BLOC1S3: variants seen among roughly 807,000 people sequenced by gnomAD.
BLOC1S3 encodes biogenesis of lysosome-related organelles complex 1 subunit 3.
In BLOC1S3, 7 loss-of-function variants were observed where a neutral mutation model predicts 9.1. The ratio of observed to expected loss-of-function variants is 0.77; its 90% confidence interval spans 0.44 to 1.45. The LOEUF (loss-of-function observed/expected upper bound fraction) is 1.45. Ranked by LOEUF, BLOC1S3 falls within the 40% of genes most tolerant of loss-of-function variation. The pLI is 0.01. For missense variants in BLOC1S3, 307 were observed against 315.2 expected (o/e 0.97, Z 0.20); for synonymous variants, 145 against 158.4 (o/e 0.92, Z 0.64).
intron 2 of BLOC1S3, among the ~76,000 whole-genome samples, chr19:45,200,065 C>T (rs1442106025): frequency 6.6e-6 from 1 of 152,270 alleles, no homozygotes; most frequent in East Asian, 1.9e-4. Flanking sequence ...TGTGCCCGGC[C>T]TGACTGCATA....
Position 45,179,170 on chromosome 19 carries a change from G to A in BLOC1S3, c.-9-118G>A, listed in dbSNP as rs987350002. 47 of 1,185,888 alleles carry A rather than the reference G, an allele frequency of 4.0e-5. No homozygotes were observed. Among genetic ancestry groups the A allele is most frequent in the Non-Finnish European group, 4.9e-5 (44 of 900,256 alleles). The allele number at this position is 1,185,888 out of a possible 1,614,324, so 73.5% of individuals were successfully genotyped here. A position where few individuals can be genotyped will look rare whatever the true frequency, so the allele number is the denominator to read the frequency against. On this transcript the variant is annotated intron_variant, in intron 1 of 1. Coordinates refer to ENST00000433642, the MANE Select transcript of BLOC1S3 (RefSeq NM_212550.5). This position sits in a 1 kb window ranked among gnomAD's most constrained non-coding sequence, Gnocchi z 4.6. ...AAGAGGAAACTGAGGCCCAGACGGG[G>A]AGCAGCTGACACCAAGTCGTTAAGA...
rs1599745683 is a variant in BLOC1S3 at position 45,179,417 on chromosome 19, C to T, written c.121C>T (p.Leu41=). The T allele has an allele frequency of 1.3e-6, 2 of 1,550,794 alleles. No homozygotes were observed. The highest frequency in any genetic ancestry group is 8.7e-7 in the Non-Finnish European group (1 of 1,155,852). ...CTCGTCGGAGGAGGAGGAGCTGTAC[C>T]TGGGTCCTTCGGGCCCGACGCGCGG... ...ASSSEEEELY[L]GPSGPTRGRP... The change falls in exon 2 of 2, where the codon CTG becomes TTG. Residue 41 remains leucine (L), a synonymous_variant. Transcript: ENST00000433642. The surrounding 1 kb of genome is among the most constrained non-coding windows in gnomAD (Gnocchi z 4.6).
chr19:45,193,626 TATA>T (rs1969623805), intron 2 of BLOC1S3, among the ~76,000 whole-genome samples: 1 of 151,638 alleles, frequency 6.6e-6, no homozygotes, highest in South Asian at 2.1e-4. Context: ...TTTGGAGTAT[TATA>T]ATATGTTAAT....
intron 2 of BLOC1S3, among the ~76,000 whole-genome samples, chr19:45,192,157 C>G (rs1447194774): frequency 6.6e-6 from 1 of 152,184 alleles, no homozygotes; most frequent in Non-Finnish European, 1.5e-5. Flanking sequence ...ATCTTCCCCA[C>G]TCTTTTTTCT....
rs143393432 is a variant in BLOC1S3 at position 45,212,738 on chromosome 19, G to T, written n.283-3938G>T. 830 of 221,858 alleles carry T rather than the reference G, an allele frequency of 3.7e-3. 11 individuals are homozygous for T. The highest frequency in any genetic ancestry group is 0.018 in the African/African-American group (777 of 43,144). The allele number at this position is 221,858 out of a possible 1,614,324, so 13.7% of individuals were successfully genotyped here. ...GCCTCACCAGTAGCTGGGACTACAG[G>T]CACACACCACCGTGCCCAGCTAATT... On this transcript the variant is annotated intron_variant and non_coding_transcript_variant, in intron 3 of 3. Transcript: ENST00000591569.
In BLOC1S3 at chr19:45,179,771, A is replaced by G. The variant is rs1969486172; in HGVS notation, c.475A>G (p.Ser159Gly). The change falls in exon 2 of 2, where the codon AGC becomes GGC. Residue 159 changes from serine (S) to glycine (G), a missense_variant. Ser to Gly is a moderately conservative substitution (Grantham distance 56). Coordinates refer to ENST00000433642, the MANE Select transcript of BLOC1S3 (RefSeq NM_212550.5). The surrounding 1 kb of genome is among the most constrained non-coding windows in gnomAD (Gnocchi z 4.6). ...AQAAGLAAAH[S>G]VRLARGDLCA... The stretch of plus-strand genomic sequence containing the variant: ...GGCGGCGGGGCTGGCGGCGGCCCAC[A>G]GCGTGCGCCTGGCGCGCGGGGACCT... 6.5e-7 allele frequency: 1 copy of G among 1,529,950 alleles called. No homozygotes were observed. The highest frequency in any genetic ancestry group is 2.6e-5 in the East Asian group (1 of 38,070). The allele number at this position is 1,529,950 out of a possible 1,614,324, so 94.8% of individuals were successfully genotyped here. A position where few individuals can be genotyped will look rare whatever the true frequency, so the allele number is the denominator to read the frequency against.
intron 3 of BLOC1S3, among the ~76,000 whole-genome samples, chr19:45,216,475 A>C (rs1284094082): frequency 6.6e-6 from 1 of 152,184 alleles, no homozygotes; most frequent in South Asian, 2.1e-4. Flanking sequence ...ACTACTCAGG[A>C]GGCTGAAGCA....
At chr19:45,204,357 AT>A (rs1460464445) in intron 3 of BLOC1S3, among the ~76,000 whole-genome samples, 1 of 150,754 alleles carries the variant, frequency 6.6e-6, no homozygotes, top group Admixed American at 6.6e-5. Context: ...GCCCCAGCTA[AT>A]TTTTTTGTAT....
intron 2 of BLOC1S3, among the ~76,000 whole-genome samples, chr19:45,193,954 C>A (rs1160956549): frequency 8.3e-6 from 1 of 119,872 alleles, no homozygotes; most frequent in Non-Finnish European, 1.7e-5. Flanking sequence ...AGGCACCCAC[C>A]ACCACGCCCA....
At position 45,179,772 on chromosome 19, in the gene BLOC1S3, G is replaced by A. The variant is rs1009018071; in HGVS notation, c.476G>A (p.Ser159Asn). The change falls in exon 2 of 2, where the codon AGC becomes AAC. Residue 159 changes from serine (S) to asparagine (N), a missense_variant. Coordinates refer to ENST00000433642, the MANE Select transcript of BLOC1S3 (RefSeq NM_212550.5). The surrounding 1 kb of genome is among the most constrained non-coding windows in gnomAD (Gnocchi z 4.6). ...GCGGCGGGGCTGGCGGCGGCCCACAGCGTGCGCCTGGCGCGCGGGGACCTT... is the reference window on the plus strand; with the variant it reads ...GCGGCGGGGCTGGCGGCGGCCCACAACGTGCGCCTGGCGCGCGGGGACCTT... ...AQAAGLAAAH[S>N]VRLARGDLCA... The A allele has an allele frequency of 1.9e-6, 3 of 1,539,276 alleles. No homozygotes were observed. Among genetic ancestry groups the A allele is most frequent in the Admixed American group, 4.0e-5 (2 of 50,434 alleles).
chr19:45,197,527 T>TA (rs1268182663), intron 2 of BLOC1S3, among the ~76,000 whole-genome samples: 2 of 147,886 alleles, frequency 1.4e-5, no homozygotes, highest in East Asian at 2.0e-4. Context: ...AGAAAAAGAA[T>TA]AAAAAAGAAG....
At chr19:45,212,598 C>CTTTTT (rs530736333) in intron 3 of BLOC1S3, 4 of 111,324 alleles carry the variant, frequency 3.6e-5, no homozygotes, top group Non-Finnish European at 5.2e-5. Context: ...TTCCCCCTAC[C>CTTTTT]TTTTTTTTTT....
chr19:45,184,903 CAAAAAAAAAAAAAA>C (rs71338752), downstream of BLOC1S3, among the ~76,000 whole-genome samples: 7 of 48,278 alleles, frequency 1.4e-4, no homozygotes, highest in East Asian at 1.4e-3. Context: ...CTGTCTCAAA[CAAAAAAAAAAAAAA>C]AAAAAAAAAA....
intron 2 of BLOC1S3, among the ~76,000 whole-genome samples, chr19:45,189,351 G>C (rs12977451): frequency 0.38 from 57,486 of 151,900 alleles, 11,619 homozygotes; most frequent in Admixed American, 0.45. Flanking sequence ...TGTTACTTCT[G>C]TCTTGCTGCT....
At chr19:45,208,442 G>A (rs926390782) in intron 3 of BLOC1S3, among the ~76,000 whole-genome samples, 6 of 151,072 alleles carry the variant, frequency 4.0e-5, no homozygotes, top group Non-Finnish European at 5.9e-5. Context: ...CGCTGTCTCT[G>A]CTAAAAATAC....
At chr19:45,185,908 C>G (rs996015907), downstream of BLOC1S3, among the ~76,000 whole-genome samples, 1 of 152,052 alleles carries the variant, frequency 6.6e-6, no homozygotes, top group Non-Finnish European at 1.5e-5. Flanking sequence ...GTCAGAAGTT[C>G]GAAACCAGCC....
At chr19:45,192,102 C>T (rs147433079) in intron 2 of BLOC1S3, among the ~76,000 whole-genome samples, 1 of 152,318 alleles carries the variant, frequency 6.6e-6, no homozygotes, top group East Asian at 1.9e-4. Context: ...CTACCTGGTA[C>T]TCTGTTCTAC....
At chr19:45,196,030 C>T (rs889154897) in intron 2 of BLOC1S3, among the ~76,000 whole-genome samples, 3 of 152,116 alleles carry the variant, frequency 2.0e-5, no homozygotes, top group Non-Finnish European at 4.4e-5. Flanking sequence ...CAGGGTGTTC[C>T]CTATTGTTTG....
At position 45,181,761 on chromosome 19, in the gene BLOC1S3, A is replaced by G. The variant is rs1454888652; in HGVS notation, c.*1856A>G. The stretch of plus-strand genomic sequence containing the variant: ...GCCCCCAAGATGGAGAATGGGGAGG[A>G]GCTTTTTATGGCGGACTGATTAAAA... On this transcript the variant is annotated 3_prime_UTR_variant, in exon 2 of 2. Coordinates refer to ENST00000433642, the MANE Select transcript of BLOC1S3 (RefSeq NM_212550.5). 6.0e-6 allele frequency: 1 copy of G among 166,940 alleles called. No homozygotes were observed. Among genetic ancestry groups the G allele is most frequent in the Non-Finnish European group, 1.5e-5 (1 of 68,112 alleles). The allele number at this position is 166,940 out of a possible 1,614,324, so 10.3% of individuals were successfully genotyped here.
Sources: allele counts gnomAD v4.1 joint callset (sites outside exome capture counted in the v4.1 genomes callset), GRCh38; gene constraint gnomAD v4.1.1; non-coding constraint Gnocchi (gnomAD v3.1); transcripts MANE v1.5; gene names NCBI Gene and HGNC (gene_info 2026-07-23, HGNC 2026-07-21).